The following IGSF10 variants were observed in gnomAD, a reference collection of about 807,000 sequenced individuals.
IGSF10 encodes the protein calvaria mechanical force protein 608.
In IGSF10, 126 loss-of-function variants were observed where a neutral mutation model predicts 128.2. The ratio of observed to expected loss-of-function variants is 0.98; its 90% CI spans 0.85 to 1.14. The LOEUF (loss-of-function observed/expected upper bound fraction) is 1.14. Among genes scored for constraint, IGSF10 ranks in the 50% most tolerant of loss-of-function variants. IGSF10 has a pLI of 0.00. For missense variants in IGSF10, 3,295 were observed against 3,149.8 expected, an observed-to-expected ratio of 1.05 and a Z score of -1.10; for synonymous variants, 1,185 against 1,146.2, an observed-to-expected ratio of 1.03 and a Z score of -0.68.
At chr3:151,577,740 T>C in the IGSF10 span, among the ~76,000 whole-genome samples, 1 of 152,052 alleles carries the variant, frequency 6.6e-6, no homozygotes, top group Non-Finnish European at 1.5e-5. Context: ...ATAGATATAG[T>C]AACTTTTCTT....
upstream of IGSF10, among the ~76,000 whole-genome samples, chr3:151,462,423 A>G (rs2108585823): frequency 6.6e-6 from 1 of 152,356 alleles, no homozygotes; most frequent in Admixed American, 6.5e-5. Flanking sequence ...CAATGTGAGA[A>G]TTGCTGGTTT....
intron 5 of IGSF10, among the ~76,000 whole-genome samples, chr3:151,452,180 C>T (rs1053331700): frequency 2.0e-5 from 3 of 152,182 alleles, no homozygotes; most frequent in African/African-American, 7.2e-5. Context: ...ATGTGAGCCC[C>T]TATGGGTTTA....
chr3:151,552,466 T>C, the IGSF10 span, among the ~76,000 whole-genome samples: 4 of 152,050 alleles, frequency 2.6e-5, no homozygotes, highest in Admixed American at 2.0e-4. Context: ...TAAGTAAATA[T>C]GAATTTCAGG....
At chr3:151,609,816 C>T in the IGSF10 span, among the ~76,000 whole-genome samples, 1 of 151,994 alleles carries the variant, frequency 6.6e-6, no homozygotes, top group African/African-American at 2.4e-5. Context: ...AAGATGGAAA[C>T]AGTAGATGCT....
In IGSF10 at chr3:151,436,367, TAGA is replaced by T. The variant is rs1164993984; in HGVS notation, c.*319_*321del. On this transcript the variant is annotated 3_prime_UTR_variant, in exon 8 of 8. Transcript: ENST00000282466. ...GAGGTGGACACTAGGCAACTGGTAT[TAGA>T]AGTTCATTTTTTTACTGAAAAATTC... is the stretch of plus-strand genomic sequence containing the variant. The T allele has an allele frequency of 2.7e-5, 6 of 224,008 alleles. No homozygotes were observed. The highest frequency in any genetic ancestry group is 3.5e-5 in the Non-Finnish European group (4 of 113,350). The allele number at this position is 224,008 out of a possible 1,614,324, so 13.9% of individuals were successfully genotyped here.
At chr3:151,525,449 C>T in the IGSF10 span, among the ~76,000 whole-genome samples, 1 of 152,074 alleles carries the variant, frequency 6.6e-6, no homozygotes, top group African/African-American at 2.4e-5. Context: ...AAATTGCCAC[C>T]AAGTTTGCTG....
chr3:151,511,561 T>C, the IGSF10 span, among the ~76,000 whole-genome samples: 29 of 152,252 alleles, frequency 1.9e-4, no homozygotes, highest in Middle Eastern at 0.014. Context: ...CATCAACTAA[T>C]GAGCAAAATC....
chr3:151,574,383 T>G, the IGSF10 span, among the ~76,000 whole-genome samples: 2 of 152,218 alleles, frequency 1.3e-5, no homozygotes, highest in African/African-American at 4.8e-5. Flanking sequence ...TCTTTTCACA[T>G]AGTCCCATAA....
chr3:151,541,085 C>T, the IGSF10 span, among the ~76,000 whole-genome samples: 2 of 152,080 alleles, frequency 1.3e-5, no homozygotes, highest in African/African-American at 2.4e-5. Flanking sequence ...CAAATGATTC[C>T]GTTTAAGGTT....
the IGSF10 span, among the ~76,000 whole-genome samples, chr3:151,617,852 T>A: frequency 9.6e-4 from 146 of 152,266 alleles, no homozygotes; most frequent in African/African-American, 3.3e-3. Flanking sequence ...AATTAATAGG[T>A]TATCATGGGA....
the IGSF10 span, among the ~76,000 whole-genome samples, chr3:151,557,602 T>C: frequency 1.3e-5 from 2 of 152,040 alleles, no homozygotes; most frequent in African/African-American, 4.8e-5. Context: ...GTTATGTGAG[T>C]GACCCAAGAT....
In IGSF10 at chr3:151,445,392, G is replaced by A. The variant is rs1721123308; in HGVS notation, c.4589C>T (p.Pro1530Leu). 2 of 1,614,104 alleles carry A rather than the reference G, an allele frequency of 1.2e-6. No homozygotes were observed. Among genetic ancestry groups the A allele is most frequent in the Non-Finnish European group, 1.7e-6 (2 of 1,180,052 alleles). ...GGTTCCAATTGTGAACTTGGCATTT[G>A]GGTGAACCTTGGGGGATGTTGCAAC... is the stretch of plus-strand genomic sequence containing the variant. Reference protein sequence around the residue: ...AEVATSPKVHPNAKFTIGTTH... With the variant: ...AEVATSPKVHLNAKFTIGTTH... Residue 1530 changes from proline (P) to leucine (L), a missense_variant, in exon 6 of 8, where the codon CCA becomes CTA. Transcript: ENST00000282466.
chr3:151,449,245 C>A lies in IGSF10; in HGVS notation c.736G>T (p.Asp246Tyr), dbSNP rs771702201. Residue 246 changes from aspartate (D) to tyrosine (Y), a missense_variant, in exon 6 of 8, where the codon GAT becomes TAT. By Grantham distance (160) the Asp-to-Tyr change is radical. Coordinates refer to ENST00000282466, the MANE Select transcript of IGSF10 (RefSeq NM_178822.5). The part of the protein sequence containing the change: ...EKPDVIKCKK[D>Y]RSPSSAQQCP... ...TGCTGAGCACTAGAGGGACTTCTAT[C>A]TTTTTTGCATTTTATTACATCTGGA... The A allele has an allele frequency of 3.8e-6, 6 of 1,577,290 alleles. No individual in the cohort carries two copies. Among genetic ancestry groups the A allele is most frequent in the Middle Eastern group, 1.7e-4 (1 of 5,904 alleles).
chr3:151,495,513 A>G, the IGSF10 span, among the ~76,000 whole-genome samples: 4 of 152,168 alleles, frequency 2.6e-5, no homozygotes, highest in African/African-American at 9.6e-5. Context: ...ATTATCCGTG[A>G]CAACATTAGA....
the IGSF10 span, among the ~76,000 whole-genome samples, chr3:151,490,016 A>C: frequency 2.0e-5 from 3 of 152,084 alleles, no homozygotes; most frequent in South Asian, 6.2e-4. Context: ...ACCAGAAAAC[A>C]AACAAAATGG....
At chr3:151,451,788 A>G (rs1036352034) in intron 5 of IGSF10, among the ~76,000 whole-genome samples, 1 of 152,234 alleles carries the variant, frequency 6.6e-6, no homozygotes, top group African/African-American at 2.4e-5. Flanking sequence ...TTAGCATAAA[A>G]ACAGGTTGTC....
chr3:151,500,674 T>A, the IGSF10 span, among the ~76,000 whole-genome samples: 2 of 152,116 alleles, frequency 1.3e-5, no homozygotes, highest in Non-Finnish European at 2.9e-5. Flanking sequence ...AAGCAATAAG[T>A]GACTCCTAAG....
At chr3:151,573,895 C>G in the IGSF10 span, among the ~76,000 whole-genome samples, 6,489 of 152,236 alleles carry the variant, frequency 0.043, 213 homozygotes, top group African/African-American at 0.096. Context: ...TTTAGTGCTT[C>G]CTTCAGGAGC....
rs35070766 is a variant in IGSF10, at chr3:151,450,895, C to CAAA, written c.716-1633_716-1631dup. On this transcript the variant is annotated intron_variant, in intron 5 of 7. Coordinates refer to ENST00000282466, the MANE Select transcript of IGSF10 (RefSeq NM_178822.5). The stretch of plus-strand genomic sequence containing the variant: ...GGGCAACAAGAGCAAAACTCTGTCT[C>CAAA]AAAAAAAAAAAAAAAAAAAAAAAGA... 8.2e-3 allele frequency among the ~76,000 whole-genome samples: 447 copies of CAAA among 54,496 alleles called. 10 individuals are homozygous for CAAA. Among genetic ancestry groups the CAAA allele is most frequent in the South Asian group, 0.02 (22 of 1,098 alleles). 35.8% of individuals were successfully genotyped at this position (54,496 alleles called of 152,430 possible).
Sources: allele counts gnomAD v4.1 joint callset (sites outside exome capture counted in the v4.1 genomes callset), GRCh38; gene constraint gnomAD v4.1.1; transcripts MANE v1.5; gene names NCBI Gene and HGNC (gene_info 2026-07-23, HGNC 2026-07-21).